The following IL15 variants were observed in gnomAD, a reference collection of about 807,000 sequenced individuals.
The protein encoded by IL15 is interleukin-15.
A neutral mutation model predicts 19.6 loss-of-function variants in IL15; 11 were observed. The observed-to-expected ratio is 0.56, with a 90% confidence interval of 0.35 to 0.93. The LOEUF is 0.93. Ranked by LOEUF, IL15 falls within the 40% of genes least tolerant of loss-of-function variation. The pLI is 0.01. For synonymous variants in IL15, 58 were observed against 59.6 expected (o/e 0.97, Z 0.12); for missense variants, 197 against 186.5 (o/e 1.06, Z -0.33).
intron 2 of IL15, among the ~76,000 whole-genome samples, chr4:141,685,497 A>C (rs1728679406): frequency 6.6e-6 from 1 of 152,190 alleles, no homozygotes; most frequent in Non-Finnish European, 1.5e-5. Flanking sequence ...CTTTTGGAAT[A>C]TATGCCATGC....
intron 4 of IL15, chr4:141,721,135 C>T: frequency 2.0e-6 from 3 of 1,492,962 alleles, no homozygotes; most frequent in African/African-American, 2.7e-5. Context: ...CAGTTTTACT[C>T]TACTAATGCC....
chr4:141,728,104 T>C (rs1579057609), intron 6 of IL15, 120 bp downstream of exon 6: 1 of 576,192 alleles, frequency 1.7e-6, no homozygotes, highest in Non-Finnish European at 3.0e-6. Flanking sequence ...GTTTCTATAA[T>C]ATATGGTCAA....
intron 1 of IL15, among the ~76,000 whole-genome samples, chr4:141,644,632 A>C (rs547565916): frequency 6.6e-6 from 1 of 152,146 alleles, no homozygotes; most frequent in African/African-American, 2.4e-5. Context: ...TCAGACTTTA[A>C]GTCTCTAAAC....
intron 1 of IL15, among the ~76,000 whole-genome samples, chr4:141,647,595 C>T (rs1727271065): frequency 6.6e-6 from 1 of 151,940 alleles, no homozygotes; most frequent in Non-Finnish European, 1.5e-5. Context: ...GGAAGGCCTT[C>T]GAGGAGGAAT....
chr4:141,643,820 G>T (rs1727131668), intron 1 of IL15, among the ~76,000 whole-genome samples: 1 of 151,716 alleles, frequency 6.6e-6, no homozygotes, highest in Non-Finnish European at 1.5e-5. Flanking sequence ...ATCTAGCCAT[G>T]ACCTCTCCCC....
intron 2 of IL15, chr4:141,718,599 T>A (rs1321619203): frequency 6.6e-6 from 1 of 152,224 alleles, no homozygotes; most frequent in Non-Finnish European, 1.5e-5. Context: ...TTTCTTTCTA[T>A]GAGTTATAGA....
chr4:141,716,460 T>C (rs1188584277), intron 2 of IL15: 2 of 152,176 alleles, frequency 1.3e-5, no homozygotes, highest in African/African-American at 2.4e-5. Flanking sequence ...GTGGTAAGCC[T>C]TGGTGAAATT....
chr4:141,700,675 C>G (rs937901480), intron 2 of IL15, among the ~76,000 whole-genome samples: 2 of 152,152 alleles, frequency 1.3e-5, no homozygotes, highest in Non-Finnish European at 2.9e-5. Flanking sequence ...AGATCTCTAA[C>G]AAGGCCAAGA....
chr4:141,686,252 G>GC lies in IL15; in HGVS notation c.-100+29947dup, dbSNP rs1728708091. ...AGTGGTTGCAGTAAGCCGAGATCAT[G>GC]CCATTGCACTCCAGCCTGGGCAACA... On this transcript the variant is annotated intron_variant, in intron 2 of 7. Coordinates refer to ENST00000320650, the MANE Select transcript of IL15 (RefSeq NM_000585.5). Among the ~76,000 whole-genome samples the GC allele has an allele frequency of 4.0e-5, 6 of 151,794 alleles. No individual in the cohort carries two copies. In the South Asian group the frequency reaches 1.2e-3, roughly 32 times the overall value.
At chr4:141,699,159 T>C (rs982864505) in intron 2 of IL15, among the ~76,000 whole-genome samples, 1 of 152,200 alleles carries the variant, frequency 6.6e-6, no homozygotes, top group Non-Finnish European at 1.5e-5. Context: ...TTGGAATTGA[T>C]TTCCAGTTTT....
intron 2 of IL15, among the ~76,000 whole-genome samples, chr4:141,711,497 A>G (rs561955445): frequency 2.0e-5 from 3 of 152,138 alleles, no homozygotes; most frequent in Non-Finnish European, 4.4e-5. Context: ...AAACAAATTA[A>G]AAATCAAATC....
chr4:141,704,322 T>G (rs1187418305), intron 2 of IL15, among the ~76,000 whole-genome samples: 1 of 152,206 alleles, frequency 6.6e-6, no homozygotes, highest in Non-Finnish European at 1.5e-5. Flanking sequence ...TTCTTCCTGT[T>G]AATGTGTTGT....
chr4:141,641,451 T>A (rs1208383565), intron 1 of IL15, among the ~76,000 whole-genome samples: 3 of 152,042 alleles, frequency 2.0e-5, no homozygotes, highest in African/African-American at 4.8e-5. Flanking sequence ...CAAATGTCCA[T>A]CAATGTTAGA....
At position 141,651,065 on chromosome 4, in the gene IL15, A is replaced by G. The variant is rs537585059; in HGVS notation, c.-221-5121A>G. Among the ~76,000 whole-genome samples the G allele has an allele frequency of 1.3e-3, 198 of 152,142 alleles. 8 individuals are homozygous for G. The South Asian group carries it at 0.041, about 31-fold the overall frequency. ...ATAGATGGGAATGATGGTAGTCTGTATGGAGTATAATAAAAGAATAGATGA... is the reference window on the plus strand; with the variant it reads ...ATAGATGGGAATGATGGTAGTCTGTGTGGAGTATAATAAAAGAATAGATGA... On this transcript the variant is annotated intron_variant, in intron 1 of 7. Coordinates refer to ENST00000320650, the MANE Select transcript of IL15 (RefSeq NM_000585.5).
intron 5 of IL15, among the ~76,000 whole-genome samples, chr4:141,723,144 T>C (rs948895193): frequency 6.6e-6 from 1 of 152,134 alleles, no homozygotes; most frequent in Admixed American, 6.6e-5. Context: ...TCTAGTACAA[T>C]GACATACATA....
At chr4:141,683,982 A>G (rs1728627146) in intron 2 of IL15, among the ~76,000 whole-genome samples, 1 of 152,202 alleles carries the variant, frequency 6.6e-6, no homozygotes, top group African/African-American at 2.4e-5. Flanking sequence ...TGAATACTTG[A>G]TACATAGCAG....
intron 2 of IL15, among the ~76,000 whole-genome samples, chr4:141,710,070 C>T (rs116560976): frequency 0.02 from 2,977 of 152,242 alleles, 55 homozygotes; most frequent in Non-Finnish European, 0.026. Flanking sequence ...CAAGCTGCTG[C>T]AAAGGATATG....
intron 2 of IL15, 120 bp from the exon 3 acceptor site, chr4:141,719,246 A>G (rs1186126740): frequency 2.4e-6 from 1 of 418,288 alleles, no homozygotes; most frequent in African/African-American, 2.1e-5. Context: ...AAGGTGATGC[A>G]TCTGTTAAGT....
intron 1 of IL15, among the ~76,000 whole-genome samples, chr4:141,650,283 A>G (rs1727360712): frequency 6.6e-6 from 1 of 152,078 alleles, no homozygotes; most frequent in African/African-American, 2.4e-5. Flanking sequence ...GCAAATTACA[A>G]TATAGTAGAA....
Sources: allele counts gnomAD v4.1 joint callset (sites outside exome capture counted in the v4.1 genomes callset), GRCh38; gene constraint gnomAD v4.1.1; transcripts MANE v1.5; gene names NCBI Gene and HGNC (gene_info 2026-07-23, HGNC 2026-07-21).